CAPN3: variants seen among roughly 807,000 people sequenced by gnomAD.
CAPN3 encodes calpain 3.
Under a neutral mutation model 114.0 loss-of-function variants are expected in CAPN3, and 88 were observed. The ratio of observed to expected loss-of-function variants is 0.77; its 90% confidence interval spans 0.65 to 0.92. The LOEUF (loss-of-function observed/expected upper bound fraction) is 0.92, where lower values mean the gene tolerates loss of function less well. Among genes scored for constraint, CAPN3 ranks in the 40% least tolerant of loss-of-function variants. The pLI, the probability that CAPN3 is intolerant of heterozygous loss-of-function variation, is 0.00. For synonymous variants in CAPN3, 386 were observed against 382.9 expected (o/e 1.01, Z -0.09); for missense variants, 1,028 against 1,069.0 (o/e 0.96, Z 0.53).
chr15:42,366,831 T>TC (rs1289776800), intron 1 of CAPN3, among the ~76,000 whole-genome samples: 24 of 143,038 alleles, frequency 1.7e-4, no homozygotes, highest in African/African-American at 6.9e-4. Context: ...TTTTTTTCTT[T>TC]TTTTTTTTCT....
chr15:42,409,567 G>A (rs1195080840), intron 17 of CAPN3, among the ~76,000 whole-genome samples, 187 bp downstream of exon 17: 2 of 152,166 alleles, frequency 1.3e-5, no homozygotes, highest in Non-Finnish European at 1.5e-5. Context: ...CTGCTGGGGG[G>A]CTCAGAGGCC....
In CAPN3 at chr15:42,410,999, CAGTA is replaced by C; in HGVS notation, c.2380+3_2380+6del. 6.2e-7 allele frequency: 1 copy of C among 1,609,890 alleles called. No individual in the cohort carries two copies. Among genetic ancestry groups the C allele is most frequent in the East Asian group, 2.2e-5 (1 of 44,866 alleles). The stretch of plus-strand genomic sequence containing the variant: ...GCTTCGTTAGGCTGGAGGGCATGTT[CAGTA>C]AGTGGGAGAGGGGGGCTGCCCTCTG... On this transcript the variant is annotated splice_donor_variant and splice_donor_region_variant and coding_sequence_variant and intron_variant, in exon 22 of 24. Transcript: ENST00000397163. LOFTEE classifies it high-confidence loss of function.
At chr15:42,373,957 G>T (rs938028391) in intron 1 of CAPN3, among the ~76,000 whole-genome samples, 2 of 152,162 alleles carry the variant, frequency 1.3e-5, no homozygotes, top group African/African-American at 4.8e-5. Flanking sequence ...AAGCCTCTCT[G>T]TAACTATAGT....
At position 42,362,489 on chromosome 15, in the gene CAPN3, A is replaced by G. The variant is rs558459781; in HGVS notation, c.309+2375A>G. Reference sequence around the variant, plus strand: ...TTGTGCCCCCACCACCACCATCACCAACAACAAAGATCCTGGATTTTCCAC... The same window carrying G: ...TTGTGCCCCCACCACCACCATCACCGACAACAAAGATCCTGGATTTTCCAC... On this transcript the variant is annotated intron_variant, in intron 1 of 23. Transcript: ENST00000397163. 3.9e-5 allele frequency among the ~76,000 whole-genome samples: 6 copies of G among 152,294 alleles called. No individual in the cohort carries two copies. In the East Asian group the frequency reaches 1.2e-3, roughly 29 times the overall value.
At chr15:42,378,424 G>T (rs1220779988) in intron 1 of CAPN3, among the ~76,000 whole-genome samples, 1 of 152,148 alleles carries the variant, frequency 6.6e-6, no homozygotes, top group Non-Finnish European at 1.5e-5. Context: ...TTCCAAGAGG[G>T]TTTGTGTTTA....
At chr15:42,373,567 A>G (rs1448453611) in intron 1 of CAPN3, among the ~76,000 whole-genome samples, 1 of 152,232 alleles carries the variant, frequency 6.6e-6, no homozygotes, top group Non-Finnish European at 1.5e-5. Context: ...TCTTATGAAT[A>G]TAATTCCCAC....
chr15:42,406,138 CA>C (rs2054013942), intron 15 of CAPN3, among the ~76,000 whole-genome samples, 195 bp downstream of exon 15: 1 of 152,180 alleles, frequency 6.6e-6, no homozygotes, highest in Admixed American at 6.5e-5. Flanking sequence ...GGCTACGTGC[CA>C]AGCACTCTTT....
At chr15:42,404,909 T>C (rs1293753232) in intron 14 of CAPN3, 2 of 1,014,392 alleles carry the variant, frequency 2.0e-6, no homozygotes. Flanking sequence ...TGTGCAGTAT[T>C]GATCAGGACC....
intron 6 of CAPN3, among the ~76,000 whole-genome samples, chr15:42,391,119 A>G (rs1246413706): frequency 1.3e-5 from 2 of 152,240 alleles, no homozygotes; most frequent in East Asian, 3.9e-4. Context: ...ATGTGCCCAA[A>G]GTATTCTCCT....
At chr15:42,409,461 T>A in intron 17 of CAPN3, 81 bp downstream of exon 17, 1 of 1,327,048 alleles carries the variant, frequency 7.5e-7, no homozygotes, top group Non-Finnish European at 1.1e-6. Flanking sequence ...ATTATTTCAT[T>A]ATTGTTTGGT....
intron 1 of CAPN3, among the ~76,000 whole-genome samples, chr15:42,362,906 C>T (rs1314238291): frequency 2.0e-5 from 3 of 152,218 alleles, no homozygotes; most frequent in Admixed American, 2.0e-4. Context: ...AGAAGCACCA[C>T]ACAGGTGAGT....
chr15:42,384,597 T>C, intron 2 of CAPN3, 45 bp downstream of exon 2: 1 of 1,391,034 alleles, frequency 7.2e-7, no homozygotes, highest in South Asian at 1.2e-5. Context: ...GATCAAGGGG[T>C]GATTACAAGG....
At chr15:42,410,752 T>C (rs1416248252) in intron 21 of CAPN3, 86 bp downstream of exon 21, 3 of 1,363,268 alleles carry the variant, frequency 2.2e-6, no homozygotes, top group South Asian at 2.3e-5. Context: ...AGGGCCCCAC[T>C]AGAGAAAGGA....
At chr15:42,392,478 G>A (rs936275366) in intron 6 of CAPN3, among the ~76,000 whole-genome samples, 161 bp from the exon 7 acceptor site, 1 of 152,186 alleles carries the variant, frequency 6.6e-6, no homozygotes, top group African/African-American at 2.4e-5. Flanking sequence ...CTCTTAAAGG[G>A]CCACTGAAGG....
At position 42,410,994 on chromosome 15, in the gene CAPN3, A is replaced by G; in HGVS notation, c.2374A>G (p.Met792Val). Reference protein sequence around the residue: ...FICCFVRLEGMFRAFHAFDKD... With the variant: ...FICCFVRLEGVFRAFHAFDKD... ...CTGCTGCTTCGTTAGGCTGGAGGGC[A>G]TGTTCAGTAAGTGGGAGAGGGGGGC... The change falls in exon 22 of 24, where the codon ATG becomes GTG. Residue 792 changes from methionine (M) to valine (V), a missense_variant. By Grantham distance (21) the Met-to-Val change is conservative. Coordinates refer to ENST00000397163, the MANE Select transcript of CAPN3 (RefSeq NM_000070.3). 1.2e-6 allele frequency: 2 copies of G among 1,612,212 alleles called. No homozygotes were observed. Among genetic ancestry groups the G allele is most frequent in the Non-Finnish European group, 1.7e-6 (2 of 1,178,278 alleles).
At chr15:42,362,699 A>G (rs1325170559) in intron 1 of CAPN3, among the ~76,000 whole-genome samples, 1 of 152,196 alleles carries the variant, frequency 6.6e-6, no homozygotes, top group Non-Finnish European at 1.5e-5. Context: ...TCCTTGCTTT[A>G]TAGGTGATTA....
intron 9 of CAPN3, among the ~76,000 whole-genome samples, chr15:42,398,093 C>T (rs1311347547): frequency 2.0e-5 from 3 of 150,974 alleles, no homozygotes; most frequent in Non-Finnish European, 4.4e-5. Flanking sequence ...TATATCATAG[C>T]TATATATATT....
intron 1 of CAPN3, among the ~76,000 whole-genome samples, chr15:42,371,796 TC>T (rs1213978584): frequency 2.0e-5 from 3 of 151,958 alleles, no homozygotes; most frequent in Admixed American, 6.6e-5. Context: ...AAACCACATC[TC>T]TACTAAAAAT....
At chr15:42,399,406 T>C in intron 9 of CAPN3, 86 bp from the exon 10 acceptor site, 1 of 1,039,650 alleles carries the variant, frequency 9.6e-7, no homozygotes, top group Non-Finnish European at 1.5e-6. Flanking sequence ...TATTTTATTA[T>C]TGTGCTGTGT....
Sources: allele counts gnomAD v4.1 joint callset (sites outside exome capture counted in the v4.1 genomes callset), GRCh38; gene constraint gnomAD v4.1.1; transcripts MANE v1.5; gene names NCBI Gene and HGNC (gene_info 2026-07-23, HGNC 2026-07-21).